The following CPVL variants were observed in gnomAD, a reference collection of about 807,000 sequenced individuals.
CPVL encodes the protein carboxypeptidase vitellogenic like.
CPVL carries 51 observed loss-of-function variants against 63.7 expected under a neutral mutation model. That is an observed-to-expected ratio of 0.80 (90% CI 0.64 to 1.01). The LOEUF (loss-of-function observed/expected upper bound fraction) is 1.01, where lower values mean the gene tolerates loss of function less well. CPVL is among the 50% of genes least tolerant of loss of function. CPVL has a pLI of 0.00. For synonymous variants in CPVL, 195 were observed against 206.0 expected, an observed-to-expected ratio of 0.95 and a Z score of 0.46; for missense variants, 530 against 573.1, an observed-to-expected ratio of 0.92 and a Z score of 0.77.
In CPVL at chr7:28,995,885, TAAAAAG is replaced by T. The variant is rs751067717; in HGVS notation, c.1321-9_1321-4del. ...TGTCCTCCACCTCGAATAATTACCT[TAAAAAG>T]AAAAAGTAAAAGAACGGAAATTTAG... On this transcript the variant is annotated splice_region_variant and splice_polypyrimidine_tract_variant and intron_variant, in intron 12 of 12. Transcript: ENST00000265394. The T allele has an allele frequency of 3.9e-6, 6 of 1,533,240 alleles. No individual in the cohort carries two copies. The highest frequency in any genetic ancestry group is 1.9e-4 in the Middle Eastern group (1 of 5,240). The allele number at this position is 1,533,240 out of a possible 1,614,324, so 95.0% of individuals were successfully genotyped here. A position where few individuals can be genotyped will look rare whatever the true frequency, so the allele number is the denominator to read the frequency against.
At position 29,160,730 on chromosome 7, in the gene CPVL, C is replaced by T. The variant is rs964195084; in HGVS notation, c.-11+20560G>A. On this transcript the variant is annotated intron_variant, in intron 5 of 16. Coordinates refer to the CPVL transcript ENST00000409850. ...TGACCATGAGGAAAAACCACATATG[C>T]ACTGAGGCAGAGAGGAAGGGCTAAA... Among the ~76,000 whole-genome samples, 3 of 152,250 alleles carry T rather than the reference C, an allele frequency of 2.0e-5. No homozygotes were observed. The East Asian group carries it at 5.8e-4, about 29-fold the overall frequency.
intron 9 of CPVL, among the ~76,000 whole-genome samples, chr7:29,070,031 T>C (rs541337475): frequency 1.4e-4 from 21 of 152,326 alleles, no homozygotes; most frequent in African/African-American, 5.0e-4. Flanking sequence ...TGAAACACAT[T>C]TCAACCACAA....
upstream of CPVL, chr7:29,147,023 T>G: frequency 6.5e-7 from 1 of 1,547,052 alleles, no homozygotes; most frequent in Non-Finnish European, 8.7e-7. Context: ...CGCTGGAGTC[T>G]CAGAGCCACC....
chr7:29,191,718 T>C (rs1050830495), intron 1 of CPVL: 1 of 152,242 alleles, frequency 6.6e-6, no homozygotes, highest in Non-Finnish European at 1.5e-5. Context: ...AATTAAGATT[T>C]CTGTAGCACC....
intron 5 of CPVL, among the ~76,000 whole-genome samples, chr7:29,165,005 T>C (rs1262425485): frequency 1.3e-5 from 2 of 152,144 alleles, no homozygotes; most frequent in Non-Finnish European, 2.9e-5. Flanking sequence ...TCTACAACTT[T>C]ATTCTTTTTC....
intron 12 of CPVL, among the ~76,000 whole-genome samples, chr7:29,018,642 G>T (rs1029097188): frequency 6.6e-6 from 1 of 152,134 alleles, no homozygotes; most frequent in East Asian, 1.9e-4. Flanking sequence ...GCCTCCCAAA[G>T]TGCTTGGATT....
intron 1 of CPVL, among the ~76,000 whole-genome samples, chr7:29,128,582 G>A (rs1790324828): frequency 6.6e-6 from 1 of 151,932 alleles, no homozygotes; most frequent in African/African-American, 2.4e-5. Flanking sequence ...CAGGCATGGT[G>A]GCACACGCCT....
upstream of CPVL, among the ~76,000 whole-genome samples, chr7:29,151,484 G>A (rs940700967): frequency 6.6e-6 from 1 of 152,128 alleles, no homozygotes; most frequent in African/African-American, 2.4e-5. Context: ...GATTAATATA[G>A]ACATGGCCAC....
intron 7 of CPVL, among the ~76,000 whole-genome samples, chr7:29,078,108 A>T (rs1421582126): frequency 6.6e-6 from 1 of 152,170 alleles, no homozygotes; most frequent in African/African-American, 2.4e-5. Flanking sequence ...GCTGCAATTA[A>T]AAAAAAGAGC....
chr7:29,042,281 C>T (rs317761), intron 11 of CPVL, among the ~76,000 whole-genome samples: 21,550 of 152,144 alleles, frequency 0.14, 1,593 homozygotes, highest in Middle Eastern at 0.23. Flanking sequence ...TGCTCCCCAA[C>T]ATTACTACTG....
At chr7:28,996,413 A>G in intron 12 of CPVL, among the ~76,000 whole-genome samples, 1 of 151,998 alleles carries the variant, frequency 6.6e-6, no homozygotes, top group South Asian at 2.1e-4. Flanking sequence ...AACCAAAAAC[A>G]TCCTTGACTG....
chr7:29,189,548 A>G lies in CPVL; in HGVS notation c.-447-3001T>C, dbSNP rs556498107. 1.5e-3 allele frequency among the ~76,000 whole-genome samples: 227 copies of G among 152,346 alleles called. 1 individual carries two copies. Among genetic ancestry groups the G allele is most frequent in the South Asian group, 3.1e-3 (15 of 4,826 alleles). ...TTCTCTTAGGACATTGAAGACAGAA[A>G]AGATGTTTGTAACCTGAAGTGTCAG... is the stretch of plus-strand genomic sequence containing the variant. On this transcript the variant is annotated intron_variant, in intron 1 of 16. Transcript: ENST00000409850.
At chr7:29,028,404 G>C (rs1275666081) in intron 12 of CPVL, among the ~76,000 whole-genome samples, 45 of 151,972 alleles carry the variant, frequency 3.0e-4, no homozygotes. Context: ...AAGAAAACAG[G>C]GGAAACACTT....
intron 3 of CPVL, among the ~76,000 whole-genome samples, chr7:29,107,991 A>G (rs1787888988): frequency 6.6e-6 from 1 of 152,116 alleles, no homozygotes; most frequent in African/African-American, 2.4e-5. Context: ...AGAGCGGTTC[A>G]TTTTCTCTCC....
At chr7:29,116,620 A>C (rs1788800646) in intron 2 of CPVL, among the ~76,000 whole-genome samples, 1 of 152,264 alleles carries the variant, frequency 6.6e-6, no homozygotes, top group Non-Finnish European at 1.5e-5. Flanking sequence ...TGCCAGATTC[A>C]CAAACACTCA....
At position 29,075,519 on chromosome 7, in the gene CPVL, T is replaced by TAAAAAAAAAAAA. The variant is rs10658501; in HGVS notation, c.610-3108_610-3097dup. ...TCTTTTCTATTGAGAAGATACTTCT[T>TAAAAAAAAAAAA]AAAAAAAAAAAAAAAAAAGCCATCA... On this transcript the variant is annotated intron_variant, in intron 7 of 12. Transcript: ENST00000265394. Among the ~76,000 whole-genome samples the TAAAAAAAAAAAA allele has an allele frequency of 1.6e-5, 2 of 128,978 alleles. 1 individual carries two copies. 84.6% of individuals were successfully genotyped at this position (128,978 alleles called of 152,430 possible).
At chr7:28,996,617 T>C (rs965336702) in intron 12 of CPVL, among the ~76,000 whole-genome samples, 27 of 151,430 alleles carry the variant, frequency 1.8e-4, no homozygotes, top group African/African-American at 5.3e-4. Context: ...TTGAGCAGCA[T>C]AGAGTTAGAA....
intron 11 of CPVL, among the ~76,000 whole-genome samples, chr7:29,053,656 T>C (rs1003341520): frequency 6.6e-6 from 1 of 152,140 alleles, no homozygotes; most frequent in African/African-American, 2.4e-5. Context: ...GTTCAGAAAT[T>C]AGATAGTGGT....
intron 5 of CPVL, among the ~76,000 whole-genome samples, chr7:29,171,463 A>T (rs1237080979): frequency 6.6e-6 from 1 of 152,152 alleles, no homozygotes; most frequent in African/African-American, 2.4e-5. Context: ...CAAGTAAACT[A>T]ATAGGGTGGG....
Sources: gnomAD v4.1 joint callset for allele counts (sites outside exome capture counted in the v4.1 genomes callset) on GRCh38, gnomAD v4.1.1 for gene constraint, MANE v1.5 for transcripts, NCBI Gene and HGNC (gene_info 2026-07-23, HGNC 2026-07-21) for gene names.